PTPRT: variants seen among roughly 807,000 people sequenced by gnomAD.
PTPRT encodes protein tyrosine phosphatase receptor type T, also known as receptor-type tyrosine-protein phosphatase T.
A neutral mutation model predicts 176.8 loss-of-function variants in PTPRT; 56 were observed. The observed-to-expected ratio is 0.32, with a 90% CI of 0.26 to 0.40. PTPRT has a LOEUF of 0.40. Among genes scored for constraint, PTPRT ranks in the 10% least tolerant of loss-of-function variants. The pLI is 1.00. For synonymous variants in PTPRT, 783 were observed against 739.0 expected (o/e 1.06, Z -0.96); for missense variants, 1,540 against 1,908.2 (o/e 0.81, Z 3.60).
intron 9 of PTPRT, among the ~76,000 whole-genome samples, chr20:42,426,910 C>T (rs2059169778): frequency 6.6e-6 from 1 of 152,098 alleles, no homozygotes; most frequent in East Asian, 1.9e-4. Context: ...TGCAGGAGTC[C>T]TGAGAATTTG....
chr20:42,980,166 C>A (rs1044785007), intron 1 of PTPRT, among the ~76,000 whole-genome samples: 4 of 152,050 alleles, frequency 2.6e-5, no homozygotes, highest in African/African-American at 9.7e-5. Flanking sequence ...CATTTTCTGC[C>A]TTGGAGCAGT....
chr20:42,530,153 C>T (rs1353888583), intron 7 of PTPRT, among the ~76,000 whole-genome samples: 3 of 152,156 alleles, frequency 2.0e-5, no homozygotes, highest in Non-Finnish European at 2.9e-5. Flanking sequence ...TGTACATAGG[C>T]CGATGAGGTA....
At chr20:42,316,032 A>C in intron 11 of PTPRT, 36 bp from the exon 12 acceptor site, 1 of 1,605,620 alleles carries the variant, frequency 6.2e-7, no homozygotes. Flanking sequence ...TGGTTGAGCA[A>C]CTTTCTGGAA....
intron 7 of PTPRT, among the ~76,000 whole-genome samples, chr20:42,601,962 C>T (rs1307971689): frequency 6.6e-6 from 1 of 152,090 alleles, no homozygotes; most frequent in Non-Finnish European, 1.5e-5. Flanking sequence ...GTGTGAATAA[C>T]AAGCAACAAA....
intron 5 of PTPRT, among the ~76,000 whole-genome samples, chr20:42,761,600 T>C (rs1037007056): frequency 6.6e-6 from 1 of 152,236 alleles, no homozygotes; most frequent in Non-Finnish European, 1.5e-5. Flanking sequence ...TAAGTCCTAC[T>C]AGTAATTCCT....
intron 29 of PTPRT, among the ~76,000 whole-genome samples, chr20:42,083,669 G>C (rs1983584954): frequency 6.6e-6 from 1 of 152,212 alleles, no homozygotes; most frequent in African/African-American, 2.4e-5. Context: ...TCTGAGGTCA[G>C]TCAGATGTTA....
At chr20:42,819,092 A>G (rs2867557) in intron 2 of PTPRT, among the ~76,000 whole-genome samples, 13,125 of 152,174 alleles carry the variant, frequency 0.086, 641 homozygotes, top group African/African-American at 0.14. Context: ...TCCAAGACAC[A>G]CAGTCATCAG....
rs149667164 is a variant in PTPRT, at chr20:43,116,925, C to G, written c.88+72721G>C. On this transcript the variant is annotated intron_variant, in intron 1 of 30. Coordinates refer to ENST00000373187, the MANE Select transcript of PTPRT (RefSeq NM_007050.6). ...CCCAGTGACCCAAAACAAAAACATT[C>G]GTCTGTGCTCAGATGTCTGTATGTT... Among the ~76,000 whole-genome samples the G allele has an allele frequency of 7.0e-4, 107 of 152,230 alleles. No homozygotes were observed. The East Asian group carries it at 0.02, about 28-fold the overall frequency.
At chr20:42,353,305 T>G (rs2058313695) in intron 9 of PTPRT, among the ~76,000 whole-genome samples, 2 of 152,182 alleles carry the variant, frequency 1.3e-5, no homozygotes, top group Admixed American at 1.3e-4. Context: ...TTCTCGTGCA[T>G]TATCTTTTTT....
At chr20:42,722,808 C>G (rs1003390451) in intron 6 of PTPRT, among the ~76,000 whole-genome samples, 5 of 152,232 alleles carry the variant, frequency 3.3e-5, no homozygotes, top group Non-Finnish European at 7.3e-5. Flanking sequence ...GCATGGCCAA[C>G]AGCTGACATA....
At chr20:42,874,733 T>C (rs1318351873) in intron 2 of PTPRT, among the ~76,000 whole-genome samples, 1 of 152,114 alleles carries the variant, frequency 6.6e-6, no homozygotes, top group East Asian at 1.9e-4. Flanking sequence ...GATAATAACA[T>C]CCAGCTCACA....
intron 13 of PTPRT, among the ~76,000 whole-genome samples, chr20:42,281,174 C>T (rs1212422725): frequency 3.3e-5 from 5 of 152,166 alleles, no homozygotes; most frequent in Non-Finnish European, 5.9e-5. Context: ...TATCTGTTTT[C>T]TTCAGTGGAA....
chr20:42,572,830 G>A (rs945399073), intron 7 of PTPRT, among the ~76,000 whole-genome samples: 2 of 151,758 alleles, frequency 1.3e-5, no homozygotes, highest in African/African-American at 4.8e-5. Flanking sequence ...CTGCCTTCTC[G>A]GGCATCCCAG....
At chr20:42,554,113 G>T (rs972293918) in intron 7 of PTPRT, among the ~76,000 whole-genome samples, 3 of 152,078 alleles carry the variant, frequency 2.0e-5, no homozygotes, top group African/African-American at 7.2e-5. Context: ...TGGGAGAAGA[G>T]AAAAGAGTCC....
chr20:43,047,222 C>A (rs960318636), intron 1 of PTPRT, among the ~76,000 whole-genome samples: 1 of 152,152 alleles, frequency 6.6e-6, no homozygotes, highest in Non-Finnish European at 1.5e-5. Flanking sequence ...TTGAGCTCAG[C>A]AACTCCCAAC....
rs114273453 is a variant in PTPRT, at chr20:43,163,366, C to T, written c.88+26280G>A. On this transcript the variant is annotated intron_variant, in intron 1 of 30. Transcript: ENST00000373187. ...AGTAAAGAACAGGCTGGGCCAGGCG[C>T]GGTGGCTCGTGACTGTAATCCCAGC... 6.1e-3 allele frequency among the ~76,000 whole-genome samples: 929 copies of T among 152,146 alleles called. 10 individuals carry two copies. The highest frequency in any genetic ancestry group is 0.021 in the African/African-American group (878 of 41,512).
chr20:42,197,240 G>T (rs992912504), intron 16 of PTPRT, among the ~76,000 whole-genome samples: 7 of 151,784 alleles, frequency 4.6e-5, no homozygotes, highest in African/African-American at 1.7e-4. Flanking sequence ...TTAGCCACGC[G>T]TGGTGGTGGG....
At chr20:42,348,053 A>C (rs1196646849) in intron 11 of PTPRT, among the ~76,000 whole-genome samples, 1 of 152,204 alleles carries the variant, frequency 6.6e-6, no homozygotes, top group African/African-American at 2.4e-5. Flanking sequence ...TAAGTGTTCA[A>C]TAAATATTTG....
chr20:42,608,379 A>C (rs1012422654), intron 7 of PTPRT, among the ~76,000 whole-genome samples: 76 of 152,298 alleles, frequency 5.0e-4, no homozygotes, highest in African/African-American at 1.8e-3. Context: ...CGTGCTGTCA[A>C]AGCTGCCTCT....
Sources: gnomAD v4.1 joint callset for allele counts (sites outside exome capture counted in the v4.1 genomes callset) on GRCh38, gnomAD v4.1.1 for gene constraint, MANE v1.5 for transcripts, NCBI Gene and HGNC (gene_info 2026-07-23, HGNC 2026-07-21) for gene names.